Variants in POLN observed in about 807,000 individuals in gnomAD.
POLN encodes DNA polymerase N.
A neutral mutation model predicts 113.5 loss-of-function variants in POLN; 108 were observed. The ratio of observed to expected loss-of-function variants is 0.95; its 90% confidence interval spans 0.81 to 1.12. The LOEUF is 1.12. Among genes scored for constraint, POLN ranks in the 50% most tolerant of loss-of-function variants. The pLI is 0.00. For missense variants in POLN, 1,097 were observed against 1,077.1 expected, an observed-to-expected ratio of 1.02 and a Z score of -0.26; for synonymous variants, 386 against 391.5, an observed-to-expected ratio of 0.99 and a Z score of 0.17.
chr4:2,177,519 A>G (rs1202294206), intron 8 of POLN, among the ~76,000 whole-genome samples: 4 of 152,322 alleles, frequency 2.6e-5, no homozygotes, highest in African/African-American at 9.6e-5. Flanking sequence ...TCAACTACAG[A>G]GACATATCTG....
chr4:2,078,333 G>A (rs1007608626), intron 23 of POLN, among the ~76,000 whole-genome samples: 15 of 152,252 alleles, frequency 9.9e-5, no homozygotes, highest in African/African-American at 3.6e-4. Context: ...AACCTCTCTG[G>A]TCTTTTTAGG....
chr4:2,241,045 A>G, intron 2 of POLN: 1 of 842,292 alleles, frequency 1.2e-6, no homozygotes, highest in South Asian at 1.6e-5. Context: ...TTTTATACCA[A>G]GTCCACAGAG....
intron 19 of POLN, among the ~76,000 whole-genome samples, chr4:2,109,170 G>C (rs1361238678): frequency 6.6e-6 from 1 of 152,180 alleles, no homozygotes; most frequent in Non-Finnish European, 1.5e-5. Flanking sequence ...TCATTTAGGA[G>C]GAAATGATTG....
chr4:2,160,399 G>C (rs892153565), intron 13 of POLN, among the ~76,000 whole-genome samples: 1 of 151,926 alleles, frequency 6.6e-6, no homozygotes, highest in Non-Finnish European at 1.5e-5. Flanking sequence ...TCTGTGGCTA[G>C]CTTTTTTAAC....
intron 16 of POLN, among the ~76,000 whole-genome samples, chr4:2,133,047 T>C (rs1024923108): frequency 6.6e-6 from 1 of 151,896 alleles, no homozygotes; most frequent in Non-Finnish European, 1.5e-5. Context: ...GGATCCCACC[T>C]GTAATCCCAG....
intron 5 of POLN, among the ~76,000 whole-genome samples, chr4:2,207,657 G>A (rs996607869): frequency 6.6e-6 from 1 of 152,036 alleles, no homozygotes; most frequent in African/African-American, 2.4e-5. Flanking sequence ...AGATAATAGG[G>A]AAATACAATT....
At chr4:2,163,512 C>T (rs1442110756) in intron 13 of POLN, among the ~76,000 whole-genome samples, 1 of 152,252 alleles carries the variant, frequency 6.6e-6, no homozygotes, top group African/African-American at 2.4e-5. Context: ...CCGCGCTCTG[C>T]GCCGGCTGCA....
chr4:2,186,417 G>T lies in POLN; in HGVS notation c.1021+6787C>A, dbSNP rs545283354. On this transcript the variant is annotated intron_variant, in intron 7 of 25. Transcript: ENST00000511885. ...CATGTTGTAGGAGGTACATCCTACA[G>T]GTCCCCTGGGCATGAACTCCCGGCT... 9.9e-5 allele frequency among the ~76,000 whole-genome samples: 15 copies of T among 152,244 alleles called. No homozygotes were observed. In the South Asian group the frequency reaches 3.1e-3, roughly 32 times the overall value.
intron 8 of POLN, 70 bp downstream of exon 8, chr4:2,179,238 A>C (rs1469134667): frequency 8.0e-5 from 113 of 1,403,736 alleles, no homozygotes; most frequent in Non-Finnish European, 1.0e-4. Context: ...GGCTATCAAT[A>C]AAATAGAAAA....
At chr4:2,163,603 C>T (rs1732655979) in intron 13 of POLN, among the ~76,000 whole-genome samples, 1 of 152,380 alleles carries the variant, frequency 6.6e-6, no homozygotes, top group African/African-American at 2.4e-5. Flanking sequence ...AGATCAGTTT[C>T]TCGGAGTTTA....
intron 2 of POLN, chr4:2,231,303 T>G (rs549947862): frequency 6.6e-6 from 1 of 152,356 alleles, no homozygotes; most frequent in South Asian, 2.1e-4. Context: ...CTACACATTT[T>G]AAAATATTTA....
intron 2 of POLN, among the ~76,000 whole-genome samples, chr4:2,238,062 GAGT>G (rs1458500345): frequency 2.0e-5 from 3 of 152,112 alleles, no homozygotes; most frequent in Admixed American, 6.5e-5. Flanking sequence ...GAAAAATGAG[GAGT>G]AGGAGACAGA....
At chr4:2,085,801 C>T (rs1730537046) in intron 20 of POLN, 57 bp from the exon 21 acceptor site, 2 of 1,602,800 alleles carry the variant, frequency 1.2e-6, no homozygotes, top group Non-Finnish European at 1.7e-6. Context: ...TGACTGTGTG[C>T]ATGGGCTCAG....
chr4:2,100,585 C>T lies in POLN; in HGVS notation c.1983-4652G>A, dbSNP rs572790831. Among the ~76,000 whole-genome samples the T allele has an allele frequency of 2.2e-4, 34 of 152,232 alleles. No homozygotes were observed. The East Asian group carries it at 3.5e-3, about 16-fold the overall frequency. On this transcript the variant is annotated intron_variant, in intron 19 of 25. Transcript: ENST00000511885. Reference sequence around the variant, plus strand: ...CTTAGCACACTTTCAATTAAGGTATCGGGAGGACTGGGGGGTGAATACTTA... The same window carrying T: ...CTTAGCACACTTTCAATTAAGGTATTGGGAGGACTGGGGGGTGAATACTTA...
At chr4:2,099,474 T>C (rs576045583) in intron 19 of POLN, among the ~76,000 whole-genome samples, 2 of 152,160 alleles carry the variant, frequency 1.3e-5, no homozygotes, top group African/African-American at 4.8e-5. Context: ...CAAACACCAA[T>C]TGAGGGACAT....
chr4:2,223,382 G>C (rs1231864874), intron 3 of POLN, among the ~76,000 whole-genome samples: 1 of 152,156 alleles, frequency 6.6e-6, no homozygotes, highest in African/African-American at 2.4e-5. Context: ...AGCAGCATTA[G>C]ATTCTCATAG....
intron 2 of POLN, among the ~76,000 whole-genome samples, chr4:2,235,728 C>T (rs1734736799): frequency 6.6e-6 from 1 of 152,020 alleles, no homozygotes; most frequent in Non-Finnish European, 1.5e-5. Flanking sequence ...ACATATAAAA[C>T]TAAATACACA....
At chr4:2,102,836 A>G (rs1730961519) in intron 19 of POLN, among the ~76,000 whole-genome samples, 1 of 152,196 alleles carries the variant, frequency 6.6e-6, no homozygotes, top group African/African-American at 2.4e-5. Context: ...GAAATCATAC[A>G]GAGTCTTCAC....
intron 15 of POLN, among the ~76,000 whole-genome samples, chr4:2,157,218 G>A (rs998447485): frequency 2.6e-5 from 4 of 152,158 alleles, no homozygotes; most frequent in East Asian, 3.9e-4. Context: ...GAACTTGAAC[G>A]AGTCACAGAA....
Sources: allele counts gnomAD v4.1 joint callset (sites outside exome capture counted in the v4.1 genomes callset), GRCh38; gene constraint gnomAD v4.1.1; transcripts MANE v1.5; gene names NCBI Gene and HGNC (gene_info 2026-07-23, HGNC 2026-07-21).